Variants in REEP6 observed in about 807,000 individuals in gnomAD.
The protein encoded by REEP6 is receptor expression-enhancing protein 6.
In REEP6, 19 loss-of-function variants were observed where a neutral mutation model predicts 22.4. That is an observed-to-expected ratio of 0.85 (90% CI 0.59 to 1.25). The LOEUF is 1.25. Among genes scored for constraint, REEP6 ranks in the 50% most tolerant of loss-of-function variants. The pLI, the probability that REEP6 is intolerant of heterozygous loss-of-function variation, is 0.00. For synonymous variants in REEP6, 121 were observed against 113.6 expected (o/e 1.06, Z -0.41); for missense variants, 273 against 251.9 (o/e 1.08, Z -0.57).
Position 1,495,706 on chromosome 19 carries a change from G to A in REEP6, c.348+99G>A, listed in dbSNP as rs774488684. On this transcript the variant is annotated intron_variant, in intron 3 of 4. Coordinates refer to ENST00000233596, the MANE Select transcript of REEP6 (RefSeq NM_138393.4). ...AAAGTCCGGAGGATACCAGGAGATG[G>A]GGGATGTGAGGGGAAGACTCAGTCC... 1.7e-5 allele frequency: 26 copies of A among 1,487,284 alleles called. No homozygotes were observed. The Admixed American group carries it at 4.3e-4, about 25-fold the overall frequency. The allele number at this position is 1,487,284 out of a possible 1,614,324, so 92.1% of individuals were successfully genotyped here.
chr19:1,494,951 T>G (rs548302465), intron 1 of REEP6, among the ~76,000 whole-genome samples: 17 of 152,338 alleles, frequency 1.1e-4, no homozygotes, highest in African/African-American at 3.6e-4. Context: ...CCCAAAGTGC[T>G]GGGGTTACAG....
At chr19:1,493,087 C>G (rs1249304027) in intron 1 of REEP6, among the ~76,000 whole-genome samples, 1 of 152,148 alleles carries the variant, frequency 6.6e-6, no homozygotes, top group Non-Finnish European at 1.5e-5. Flanking sequence ...AGTCCTCCAC[C>G]CTGCCCACCC....
chr19:1,497,105 G>T lies in REEP6; in HGVS notation c.518-69G>T, dbSNP rs537602173. ...GCTCATAGCCAGTAGCCTCAGTCCC[G>T]CCTGCGAGCAGCTCCGGGGAGCCCA... On this transcript the variant is annotated intron_variant, in intron 4 of 4. Transcript: ENST00000233596. This position sits in a 1 kb window ranked among gnomAD's most constrained non-coding sequence, Gnocchi z 6.5. The T allele has an allele frequency of 2.4e-6, 3 of 1,254,894 alleles. No individual in the cohort carries two copies. Among genetic ancestry groups the T allele is most frequent in the African/African-American group, 3.1e-5 (2 of 65,198 alleles). 77.7% of individuals were successfully genotyped at this position (1,254,894 alleles called of 1,614,324 possible).
intron 4 of REEP6, chr19:1,496,676 G>C: frequency 2.8e-6 from 2 of 719,138 alleles, no homozygotes; most frequent in Admixed American, 2.0e-5. Context: ...CTGACCGTAC[G>C]TAACCGCTGT....
At chr19:1,494,139 G>A (rs1599270371) in intron 1 of REEP6, among the ~76,000 whole-genome samples, 1 of 152,282 alleles carries the variant, frequency 6.6e-6, no homozygotes, top group South Asian at 2.1e-4. Context: ...ACCATAGGAG[G>A]CAGGGGCCAT....
Position 1,491,435 on chromosome 19 carries a change from G to A in REEP6, c.115+51G>A, listed in dbSNP as rs759940069. ...CGCCGACGGGCACACCGAGGCCATG[G>A]GCCTGGGGGTCGCAGACCGGACTCC... On this transcript the variant is annotated intron_variant, in intron 1 of 4. Coordinates refer to ENST00000233596, the MANE Select transcript of REEP6 (RefSeq NM_138393.4). This position sits in a 1 kb window ranked among gnomAD's most constrained non-coding sequence, Gnocchi z 5.4. 7.9e-7 allele frequency: 1 copy of A among 1,266,822 alleles called. No individual in the cohort carries two copies. The highest frequency in any genetic ancestry group is 1.8e-5 in the South Asian group (1 of 54,156). 78.5% of individuals were successfully genotyped at this position (1,266,822 alleles called of 1,614,324 possible). A position where few individuals can be genotyped will look rare whatever the true frequency, so the allele number is the denominator to read the frequency against.
At chr19:1,496,924 G>A (rs780283652) in intron 4 of REEP6, among the ~76,000 whole-genome samples, 3 of 152,152 alleles carry the variant, frequency 2.0e-5, no homozygotes, top group African/African-American at 7.2e-5. Context: ...ATGTGTGTGC[G>A]TGTGACCATG....
chr19:1,492,652 C>T (rs73920955), intron 1 of REEP6, among the ~76,000 whole-genome samples: 1,652 of 152,270 alleles, frequency 0.011, 33 homozygotes, highest in African/African-American at 0.038. Context: ...CTCACAAGGA[C>T]TTGCTCTGGG....
Position 1,495,556 on chromosome 19 carries a change from G to A in REEP6, c.297G>A (p.Glu99=), listed in dbSNP as rs958804013. 40 of 1,613,988 alleles carry A rather than the reference G, an allele frequency of 2.5e-5. No homozygotes were observed. The highest frequency in any genetic ancestry group is 3.1e-5 in the Non-Finnish European group (37 of 1,180,030). ...TGTACGCCCTGTTTGGGCTGGCCGA[G>A]TTCTTCAGCGATCTACTCCTGTCCT... ...WVVYALFGLA[E]FFSDLLLSWF... The change falls in exon 3 of 5, where the codon GAG becomes GAA. Residue 99 remains glutamate (E), a synonymous_variant. Transcript: ENST00000233596.
At position 1,491,218 on chromosome 19, in the gene REEP6, T is replaced by C. The variant is rs1427993693; in HGVS notation, c.-52T>C. 4 of 1,288,350 alleles carry C rather than the reference T, an allele frequency of 3.1e-6. No homozygotes were observed. Among genetic ancestry groups the C allele is most frequent in the East Asian group, 3.1e-5 (1 of 32,096 alleles). 79.8% of individuals were successfully genotyped at this position (1,288,350 alleles called of 1,614,324 possible). A position where few individuals can be genotyped will look rare whatever the true frequency, so the allele number is the denominator to read the frequency against. On this transcript the variant is annotated 5_prime_UTR_variant, in exon 1 of 5. Transcript: ENST00000233596. This position sits in a 1 kb window ranked among gnomAD's most constrained non-coding sequence, Gnocchi z 5.4. ...AGCGGTGCGCGTGCAGCGGGGTGGG[T>C]GCCCTGGTCCGCGGGCGAGCTCGAG...
At position 1,497,608 on chromosome 19, in the gene REEP6, C is replaced by T. The variant is rs751728647; in HGVS notation, c.*397C>T. ...CAGCCACCCAACGTCACCTCCAGCC[C>T]GGTCTCACCCATGGTCCAGTCTCCC... On this transcript the variant is annotated 3_prime_UTR_variant, in exon 5 of 5. Transcript: ENST00000233596. The surrounding 1 kb of genome is among the most constrained non-coding windows in gnomAD (Gnocchi z 6.5). 6.9e-4 allele frequency: 356 copies of T among 516,996 alleles called. 1 individual carries two copies. The highest frequency in any genetic ancestry group is 2.5e-4 in the Admixed American group (11 of 43,814). 32.0% of individuals were successfully genotyped at this position (516,996 alleles called of 1,614,324 possible).
rs2145480995 is a variant in REEP6, at chr19:1,497,718, C to T, written c.*507C>T. ...AGCCCCCAAGACCAGCGGACAGCGCCAGAAGGAATCGTCGAAACAGCCTGC... is the reference window on the plus strand; with the variant it reads ...AGCCCCCAAGACCAGCGGACAGCGCTAGAAGGAATCGTCGAAACAGCCTGC... On this transcript the variant is annotated 3_prime_UTR_variant, in exon 5 of 5. Coordinates refer to ENST00000233596, the MANE Select transcript of REEP6 (RefSeq NM_138393.4). This position sits in a 1 kb window ranked among gnomAD's most constrained non-coding sequence, Gnocchi z 6.5. 1 of 472,378 alleles carries T rather than the reference C, an allele frequency of 2.1e-6. No individual in the cohort carries two copies. Among genetic ancestry groups the T allele is most frequent in the African/African-American group, 2.0e-5 (1 of 50,264 alleles). 29.3% of individuals were successfully genotyped at this position (472,378 alleles called of 1,614,324 possible).
intron 1 of REEP6, among the ~76,000 whole-genome samples, chr19:1,492,139 G>C (rs550319335): frequency 1.1e-4 from 16 of 152,028 alleles, no homozygotes; most frequent in Admixed American, 2.6e-4. Flanking sequence ...TTTTGAGACC[G>C]AGTCTTGCTC....
In REEP6 at chr19:1,495,305, C is replaced by T. The variant is rs1599271441; in HGVS notation, c.127C>T (p.Leu43=). ...CCTCTCTCCGGCAGGAGCCGTCACT[C>T]TGCTAAGCCTGTATCTGCTGTTCGG... ...KRYLAAGAVT[L]LSLYLLFGYG... Residue 43 remains leucine (L), a synonymous_variant, in exon 2 of 5, where the codon CTG becomes TTG. Coordinates refer to ENST00000233596, the MANE Select transcript of REEP6 (RefSeq NM_138393.4). 1 of 1,612,908 alleles carries T rather than the reference C, an allele frequency of 6.2e-7. No homozygotes were observed. The highest frequency in any genetic ancestry group is 8.5e-7 in the Non-Finnish European group (1 of 1,179,988).
chr19:1,495,172 TGGAGGCGGCTCCTG>T (rs1338102619), intron 1 of REEP6, 108 bp from the exon 2 acceptor site: 17 of 857,456 alleles, frequency 2.0e-5, no homozygotes, highest in Non-Finnish European at 3.0e-5. Context: ...GGACATATCC[TGGAGGCGGCTCCTG>T]GGAGGAGGTG....
chr19:1,495,132 TG>T (rs2084994713), intron 1 of REEP6, among the ~76,000 whole-genome samples, 161 bp from the exon 2 acceptor site: 1 of 152,122 alleles, frequency 6.6e-6, no homozygotes. Context: ...AGAGGCACGA[TG>T]GGGGATGTAC....
rs1455957026 is a variant in REEP6 at position 1,497,645 on chromosome 19, C to T, written c.*434C>T. Reference sequence around the variant, plus strand: ...TGGTCCAGTCTCCCAGCAGCAGCAACATCCCCACGCAGCCCCCCAGCAAGT... The same window carrying T: ...TGGTCCAGTCTCCCAGCAGCAGCAATATCCCCACGCAGCCCCCCAGCAAGT... On this transcript the variant is annotated 3_prime_UTR_variant, in exon 5 of 5. Coordinates refer to ENST00000233596, the MANE Select transcript of REEP6 (RefSeq NM_138393.4). This position sits in a 1 kb window ranked among gnomAD's most constrained non-coding sequence, Gnocchi z 6.5. The T allele has an allele frequency of 4.1e-6, 2 of 489,316 alleles. No individual in the cohort carries two copies. Among genetic ancestry groups the T allele is most frequent in the East Asian group, 1.3e-4 (2 of 15,900 alleles). 30.3% of individuals were successfully genotyped at this position (489,316 alleles called of 1,614,324 possible).
chr19:1,495,199 G>C, intron 1 of REEP6, 95 bp from the exon 2 acceptor site: 1 of 1,178,254 alleles, frequency 8.5e-7, no homozygotes, highest in Non-Finnish European at 1.3e-6. Flanking sequence ...AGGAGGTGAC[G>C]GTTGCAGTCT....
rs777984026 is a variant in REEP6 at position 1,496,386 on chromosome 19, C to G, written c.450C>G (p.Ala150=). Reference sequence around the variant, plus strand: ...CGCTGTTCCTAAGGCACCACGGGGCCGTAGACAGAATCATGAACGACCTCA... The same window carrying G: ...CGCTGTTCCTAAGGCACCACGGGGCGGTAGACAGAATCATGAACGACCTCA... ...VRPLFLRHHG[A]VDRIMNDLSG... is the part of the protein sequence containing the mutation. The change falls in exon 4 of 5, where the codon GCC becomes GCG. Residue 150 remains alanine (A), a synonymous_variant. Coordinates refer to ENST00000233596, the MANE Select transcript of REEP6 (RefSeq NM_138393.4). 1 of 1,613,190 alleles carries G rather than the reference C, an allele frequency of 6.2e-7. No homozygotes were observed. The highest frequency in any genetic ancestry group is 8.5e-7 in the Non-Finnish European group (1 of 1,179,918).
Sources: gnomAD v4.1 joint callset for allele counts (sites outside exome capture counted in the v4.1 genomes callset) on GRCh38, gnomAD v4.1.1 for gene constraint, Gnocchi (gnomAD v3.1) non-coding constraint, MANE v1.5 for transcripts, NCBI Gene and HGNC (gene_info 2026-07-23, HGNC 2026-07-21) for gene names.